SPAG16: variants seen among roughly 807,000 people sequenced by gnomAD.
SPAG16 encodes sperm-associated antigen 16 protein.
In SPAG16, 86 loss-of-function variants were observed where a neutral mutation model predicts 80.4. The ratio of observed to expected loss-of-function variants is 1.07; its 90% CI spans 0.90 to 1.28. The LOEUF (loss-of-function observed/expected upper bound fraction) is 1.28. Among genes scored for constraint, SPAG16 ranks in the 50% most tolerant of loss-of-function variants. The probability of loss-of-function intolerance (pLI) is 0.00; values close to 1 mark genes in which losing one functional copy is unlikely to be tolerated. For missense variants in SPAG16, 870 were observed against 765.3 expected (o/e 1.14, Z -1.61); for synonymous variants, 294 against 265.9 (o/e 1.11, Z -1.03).
chr2:213,977,438 C>CG (rs922481209), intron 12 of SPAG16, among the ~76,000 whole-genome samples: 4 of 151,754 alleles, frequency 2.6e-5, no homozygotes, highest in African/African-American at 9.7e-5. Context: ...GGTTACTGCC[C>CG]CCCCCATACC....
intron 10 of SPAG16, among the ~76,000 whole-genome samples, chr2:213,566,412 C>G (rs2059766956): frequency 6.6e-6 from 1 of 152,058 alleles, no homozygotes; most frequent in African/African-American, 2.4e-5. Context: ...ATTTGTTTCT[C>G]TCACCCCCTT....
intron 12 of SPAG16, among the ~76,000 whole-genome samples, chr2:214,007,152 T>A (rs2047063331): frequency 6.9e-6 from 1 of 145,116 alleles, no homozygotes; most frequent in Admixed American, 6.7e-5. Flanking sequence ...ACAAATGTAC[T>A]TATATTTATA....
intron 9 of SPAG16, among the ~76,000 whole-genome samples, chr2:213,441,873 G>A (rs1055831667): frequency 6.6e-6 from 1 of 152,160 alleles, no homozygotes; most frequent in Non-Finnish European, 1.5e-5. Context: ...CACGGCCGGG[G>A]TGGTGGCTCT....
At chr2:213,472,319 A>G (rs1161733308) in intron 9 of SPAG16, among the ~76,000 whole-genome samples, 1 of 152,180 alleles carries the variant, frequency 6.6e-6, no homozygotes, top group East Asian at 1.9e-4. Context: ...AATTTTCTCA[A>G]GCAATAAAAC....
At chr2:213,394,904 T>C (rs1467167367) in intron 9 of SPAG16, among the ~76,000 whole-genome samples, 1 of 152,178 alleles carries the variant, frequency 6.6e-6, no homozygotes, top group African/African-American at 2.4e-5. Context: ...TTTAATTTCT[T>C]TAATGCCTAT....
chr2:213,525,693 A>G (rs528884300), intron 10 of SPAG16, among the ~76,000 whole-genome samples: 3 of 152,150 alleles, frequency 2.0e-5, no homozygotes, highest in African/African-American at 7.2e-5. Flanking sequence ...CAATTTTTAA[A>G]TAACTAATTT....
At chr2:213,992,972 C>A (rs1429214458) in intron 12 of SPAG16, among the ~76,000 whole-genome samples, 1 of 152,032 alleles carries the variant, frequency 6.6e-6, no homozygotes, top group Admixed American at 6.6e-5. Context: ...GTGGTCATAC[C>A]AAAAGGATGA....
At chr2:214,053,484 C>CTG (rs781745472) in intron 13 of SPAG16, among the ~76,000 whole-genome samples, 71 of 152,228 alleles carry the variant, frequency 4.7e-4, no homozygotes, top group Admixed American at 2.0e-3. Context: ...ATGAGGACTT[C>CTG]TGTGTAGTCT....
intron 15 of SPAG16, among the ~76,000 whole-genome samples, chr2:214,298,094 G>GCATATATATATATATATATATATATA (rs1694270005): frequency 1.8e-5 from 2 of 111,346 alleles, no homozygotes; most frequent in Admixed American, 9.5e-5. Flanking sequence ...ATATATATAT[G>GCATATATATATATATATATATATATA]TATGCATATA....
chr2:213,352,562 G>C (rs2065393209), intron 7 of SPAG16, among the ~76,000 whole-genome samples: 1 of 152,188 alleles, frequency 6.6e-6, no homozygotes, highest in Admixed American at 6.5e-5. Flanking sequence ...TTAGTGGAAA[G>C]AGCTAAGAAC....
intron 15 of SPAG16, among the ~76,000 whole-genome samples, chr2:214,282,372 T>C (rs1693014536): frequency 6.6e-6 from 1 of 152,164 alleles, no homozygotes; most frequent in Non-Finnish European, 1.5e-5. Context: ...TTAATAACAC[T>C]GATAAACACT....
At chr2:213,871,855 C>A (rs2075959332) in intron 11 of SPAG16, among the ~76,000 whole-genome samples, 2 of 43,504 alleles carry the variant, frequency 4.6e-5, no homozygotes, top group South Asian at 4.5e-3. Context: ...CACACACACA[C>A]ACACACACAC....
intron 9 of SPAG16, among the ~76,000 whole-genome samples, chr2:213,379,710 C>T (rs2067065612): frequency 6.6e-6 from 1 of 152,180 alleles, no homozygotes; most frequent in African/African-American, 2.4e-5. Flanking sequence ...CTGATCACCC[C>T]AAGGAATGGT....
At chr2:214,017,803 T>G (rs1169656243) in intron 13 of SPAG16, among the ~76,000 whole-genome samples, 1 of 152,214 alleles carries the variant, frequency 6.6e-6, no homozygotes, top group African/African-American at 2.4e-5. Context: ...AACATAAATA[T>G]TTTTAAGTTG....
chr2:213,405,238 T>C (rs769999248), intron 9 of SPAG16, among the ~76,000 whole-genome samples: 9 of 152,206 alleles, frequency 5.9e-5, no homozygotes, highest in Non-Finnish European at 1.3e-4. Context: ...TAATTTTAGC[T>C]ATTAAGATTT....
At chr2:213,785,836 G>A (rs371994325) in intron 10 of SPAG16, among the ~76,000 whole-genome samples, 5 of 151,916 alleles carry the variant, frequency 3.3e-5, no homozygotes, top group Non-Finnish European at 5.9e-5. Flanking sequence ...GTGAAACCCC[G>A]TCTCTACTAA....
intron 11 of SPAG16, among the ~76,000 whole-genome samples, chr2:213,869,978 C>A (rs1210400907): frequency 1.3e-5 from 2 of 152,102 alleles, no homozygotes; most frequent in African/African-American, 4.8e-5. Flanking sequence ...CAGCAACTAC[C>A]ATATGTCAAG....
intron 10 of SPAG16, among the ~76,000 whole-genome samples, chr2:213,549,550 G>T (rs1470953829): frequency 6.6e-6 from 1 of 152,100 alleles, no homozygotes; most frequent in Non-Finnish European, 1.5e-5. Context: ...ACAGCAACTT[G>T]GTTGTCTCTA....
chr2:213,492,324 T>G (rs1024351802), intron 10 of SPAG16, among the ~76,000 whole-genome samples: 1 of 152,008 alleles, frequency 6.6e-6, no homozygotes, highest in Non-Finnish European at 1.5e-5. Context: ...GAGGCTGAGG[T>G]GGGCAGATCA....
Sources: gnomAD v4.1 joint callset for allele counts (sites outside exome capture counted in the v4.1 genomes callset) on GRCh38, gnomAD v4.1.1 for gene constraint, MANE v1.5 for transcripts, NCBI Gene and HGNC (gene_info 2026-07-23, HGNC 2026-07-21) for gene names.